MAN1A1: variants seen among roughly 807,000 people sequenced by gnomAD.
MAN1A1 encodes mannosidase alpha class 1A member 1, also known as mannosyl-oligosaccharide 1,2-alpha-mannosidase IA.
Under a neutral mutation model 70.8 loss-of-function variants are expected in MAN1A1, and 29 were observed. The ratio of observed to expected loss-of-function variants is 0.41; its 90% CI spans 0.31 to 0.56. MAN1A1 has a LOEUF of 0.56. MAN1A1 is among the 20% of genes least tolerant of loss of function. The pLI, the probability that MAN1A1 is intolerant of heterozygous loss-of-function variation, is 0.29. For missense variants in MAN1A1, 747 were observed against 841.3 expected, an observed-to-expected ratio of 0.89 and a Z score of 1.39; for synonymous variants, 349 against 330.1, an observed-to-expected ratio of 1.06 and a Z score of -0.62.
chr6:119,240,202 AAGGG>A (rs1774963802), intron 6 of MAN1A1, among the ~76,000 whole-genome samples: 1 of 152,196 alleles, frequency 6.6e-6, no homozygotes, highest in Non-Finnish European at 1.5e-5. Context: ...GTCATTTAAA[AAGGG>A]ATTTAAGCAA....
chr6:119,201,466 C>T (rs2114946054), intron 7 of MAN1A1, 119 bp from the exon 8 acceptor site: 1 of 664,570 alleles, frequency 1.5e-6, no homozygotes, highest in South Asian at 1.8e-5. Context: ...AAGATAACTG[C>T]TGTTAGCTTA....
rs78442109 is a variant in MAN1A1 at position 119,315,847 on chromosome 6, G to T, written c.604-8855C>A. On this transcript the variant is annotated intron_variant, in intron 2 of 12. Transcript: ENST00000368468. ...TTTCCTTATCAAAAATATCTGTCTT[G>T]TGGTTGATGACTATGGTCTCCAGGC... Among the ~76,000 whole-genome samples the T allele has an allele frequency of 5.9e-3, 893 of 152,300 alleles. 30 individuals are homozygous for T. In the East Asian group the frequency reaches 0.09, roughly 15 times the overall value.
chr6:119,231,949 ATTT>A (rs1400492584), intron 6 of MAN1A1, among the ~76,000 whole-genome samples: 1 of 152,150 alleles, frequency 6.6e-6, no homozygotes, highest in African/African-American at 2.4e-5. Context: ...CTTTACATTT[ATTT>A]TTTATCTTTA....
intron 11 of MAN1A1, among the ~76,000 whole-genome samples, chr6:119,183,286 A>G (rs142038071): frequency 2.0e-4 from 30 of 152,338 alleles, no homozygotes; most frequent in African/African-American, 6.5e-4. Context: ...CCCGAAGAAA[A>G]TAAGACCGAT....
chr6:119,299,512 A>T (rs1408961590), intron 4 of MAN1A1, among the ~76,000 whole-genome samples: 3 of 152,166 alleles, frequency 2.0e-5, no homozygotes, highest in African/African-American at 7.2e-5. Context: ...GAAAGGTATA[A>T]CCCAAAACTA....
intron 2 of MAN1A1, among the ~76,000 whole-genome samples, chr6:119,317,103 T>C (rs1453996822): frequency 6.6e-6 from 1 of 152,088 alleles, no homozygotes; most frequent in African/African-American, 2.4e-5. Context: ...AACAGAAGTT[T>C]TAGATGCACA....
In MAN1A1 at chr6:119,331,582, T is replaced by TATATATATAC. The variant is rs1554216777; in HGVS notation, c.603+16880_603+16881insGTATATATAT. On this transcript the variant is annotated intron_variant, in intron 2 of 12. Transcript: ENST00000368468. ...TGTACATATTATGCATATATATATATATATATATATATATATAATCAAGGG... is the reference window on the plus strand; with the variant it reads ...TGTACATATTATGCATATATATATATATATATATACATATATATATATATATAATCAAGGG... Among the ~76,000 whole-genome samples the TATATATATAC allele has an allele frequency of 7.8e-3, 1,136 of 144,728 alleles. 23 individuals carry two copies. The highest frequency in any genetic ancestry group is 0.027 in the African/African-American group (1,059 of 38,942). The allele number at this position is 144,728 out of a possible 152,430, so 94.9% of individuals were successfully genotyped here.
rs201781710 is a variant in MAN1A1, at chr6:119,255,921, T to TA, written c.898-7568dup. Reference sequence around the variant, plus strand: ...AAATTTCATTACAAACTTCATTTTTTAAAAAAAATATATTTAATTAGATGA... The same window carrying TA: ...AAATTTCATTACAAACTTCATTTTTTAAAAAAAAATATATTTAATTAGATGA... On this transcript the variant is annotated intron_variant, in intron 5 of 12. Coordinates refer to ENST00000368468, the MANE Select transcript of MAN1A1 (RefSeq NM_005907.4). Among the ~76,000 whole-genome samples the TA allele has an allele frequency of 1.0e-3, 155 of 151,692 alleles. 1 individual carries two copies. Among genetic ancestry groups the TA allele is most frequent in the Non-Finnish European group, 1.8e-3 (124 of 67,998 alleles).
At chr6:119,301,706 C>A (rs184072422) in intron 4 of MAN1A1, among the ~76,000 whole-genome samples, 1 of 152,296 alleles carries the variant, frequency 6.6e-6, no homozygotes, top group Non-Finnish European at 1.5e-5. Flanking sequence ...TAATGCCCAT[C>A]TCATAGAGTT....
intron 7 of MAN1A1, among the ~76,000 whole-genome samples, 200 bp from the exon 8 acceptor site, chr6:119,201,547 A>G (rs1384084906): frequency 1.3e-5 from 2 of 152,202 alleles, no homozygotes; most frequent in Non-Finnish European, 2.9e-5. Context: ...GCCAGATGCC[A>G]TACTAGGAAC....
At chr6:119,189,972 A>G in intron 9 of MAN1A1, 89 bp from the exon 10 acceptor site, 1 of 982,272 alleles carries the variant, frequency 1.0e-6, no homozygotes, top group Non-Finnish European at 1.5e-6. Context: ...AAAAGAATAG[A>G]ATACACCTGA....
At chr6:119,350,159 T>C (rs1773869940), upstream of MAN1A1, among the ~76,000 whole-genome samples, 1 of 152,030 alleles carries the variant, frequency 6.6e-6, no homozygotes, top group Non-Finnish European at 1.5e-5. Context: ...CTCTGCCTCC[T>C]CCTCCGACCC....
intron 5 of MAN1A1, among the ~76,000 whole-genome samples, chr6:119,263,570 T>G (rs1582747158): frequency 6.6e-6 from 1 of 152,092 alleles, no homozygotes; most frequent in South Asian, 2.1e-4. Context: ...ATTACTTGTG[T>G]GAAAAAATAA....
At chr6:119,294,543 T>A (rs1378055470) in intron 4 of MAN1A1, among the ~76,000 whole-genome samples, 3 of 152,238 alleles carry the variant, frequency 2.0e-5, no homozygotes, top group Admixed American at 2.0e-4. Context: ...GTATGCCCCA[T>A]GTATTCAGTG....
intron 5 of MAN1A1, among the ~76,000 whole-genome samples, chr6:119,276,941 T>C (rs147009026): frequency 6.6e-6 from 1 of 152,172 alleles, no homozygotes; most frequent in Non-Finnish European, 1.5e-5. Context: ...GTGTTTAGAA[T>C]AAAGAGCCAC....
intron 2 of MAN1A1, among the ~76,000 whole-genome samples, chr6:119,328,796 C>G (rs1773226234): frequency 2.0e-5 from 3 of 152,176 alleles, no homozygotes; most frequent in African/African-American, 7.2e-5. Flanking sequence ...CGGTTACCAT[C>G]TCAGGGAAAG....
At chr6:119,299,584 A>G (rs562181267) in intron 4 of MAN1A1, among the ~76,000 whole-genome samples, 1 of 145,204 alleles carries the variant, frequency 6.9e-6, no homozygotes, top group East Asian at 1.9e-4. Context: ...AAATTTTATT[A>G]AAAACTAAAA....
rs535194932 is a variant in MAN1A1, at chr6:119,246,229, T to G, written c.992+2031A>C. On this transcript the variant is annotated intron_variant, in intron 6 of 12. Transcript: ENST00000368468. The stretch of plus-strand genomic sequence containing the variant: ...CACCTCTATTAGATTTAGTAGGCCT[T>G]TCTCCAATTTCATTACCTTCCAGGA... Among the ~76,000 whole-genome samples, 17 of 152,318 alleles carry G rather than the reference T, an allele frequency of 1.1e-4. No homozygotes were observed. In the South Asian group the frequency reaches 3.5e-3, roughly 32 times the overall value.
rs182703374 is a variant in MAN1A1, at chr6:119,243,877, C to T, written c.992+4383G>A. ...GAATGAAGATCAGTCATTTCCTATA[C>T]ACACCTTCATGGTGTGCAATAAAAG... On this transcript the variant is annotated intron_variant, in intron 6 of 12. Transcript: ENST00000368468. Among the ~76,000 whole-genome samples, 155 of 152,154 alleles carry T rather than the reference C, an allele frequency of 1.0e-3. 1 individual carries two copies. Among genetic ancestry groups the T allele is most frequent in the Non-Finnish European group, 1.8e-3 (121 of 67,940 alleles).
Sources: allele counts gnomAD v4.1 joint callset (sites outside exome capture counted in the v4.1 genomes callset), GRCh38; gene constraint gnomAD v4.1.1; transcripts MANE v1.5; gene names NCBI Gene and HGNC (gene_info 2026-07-23, HGNC 2026-07-21).